Variants in SCN8A observed in about 807,000 individuals in gnomAD.
SCN8A encodes the protein sodium voltage-gated channel alpha subunit 8, also known as sodium channel protein type 8 subunit alpha.
SCN8A carries 30 observed loss-of-function variants against 184.1 expected under a neutral mutation model. The observed-to-expected ratio is 0.16, with a 90% CI of 0.12 to 0.22. The LOEUF (loss-of-function observed/expected upper bound fraction) is 0.22. SCN8A is among the 10% of genes least tolerant of loss of function. The pLI is 1.00. For missense variants in SCN8A, 1,057 were observed against 2,498.9 expected (o/e 0.42, Z 12.30); for synonymous variants, 852 against 907.0 (o/e 0.94, Z 1.09).
chr12:51,767,715 C>T (rs1942860194), intron 16 of SCN8A, among the ~76,000 whole-genome samples: 1 of 152,208 alleles, frequency 6.6e-6, no homozygotes, highest in Non-Finnish European at 1.5e-5. Flanking sequence ...CAAACATCCA[C>T]ACCCCTCACT....
Position 51,721,758 on chromosome 12 carries a change from C to T in SCN8A, c.1848C>T (p.Gly616=), listed in dbSNP as rs772405994. 1 of 1,608,930 alleles carries T rather than the reference C, an allele frequency of 6.2e-7. No individual in the cohort carries two copies. The highest frequency in any genetic ancestry group is 1.1e-5 in the South Asian group (1 of 90,880). ...RARERRSSYS[G]YSGYSQGSRS... is the part of the protein sequence containing the mutation. ...GCGAGCGCCGGAGCAGCTACAGCGGCTACAGCGGCTACAGCCAGGGCAGCC... is the reference window on the plus strand; with the variant it reads ...GCGAGCGCCGGAGCAGCTACAGCGGTTACAGCGGCTACAGCCAGGGCAGCC... Residue 616 remains glycine, a synonymous_variant, in exon 12 of 27, where the codon GGC becomes GGT. Transcript: ENST00000627620.
chr12:51,606,587 A>G (rs1419063874), intron 1 of SCN8A, among the ~76,000 whole-genome samples: 11 of 152,110 alleles, frequency 7.2e-5, no homozygotes, highest in Non-Finnish European at 1.2e-4. Flanking sequence ...TTTTGGTTCC[A>G]TATGAATTTT....
intron 10 of SCN8A, 95 bp downstream of exon 10, chr12:51,705,718 AT>A (rs1489697251): frequency 2.7e-6 from 3 of 1,113,628 alleles, no homozygotes; most frequent in African/African-American, 3.1e-5. Flanking sequence ...TTCTAGGCAT[AT>A]TTTCAAATAG....
At chr12:51,674,634 C>G (rs1386184077) in intron 2 of SCN8A, among the ~76,000 whole-genome samples, 1 of 152,136 alleles carries the variant, frequency 6.6e-6, no homozygotes, top group East Asian at 1.9e-4. Flanking sequence ...TGCACCTGGC[C>G]AGCCCCTTCT....
chr12:51,666,590 C>G (rs1592366233), intron 2 of SCN8A, among the ~76,000 whole-genome samples: 1 of 152,310 alleles, frequency 6.6e-6, no homozygotes, highest in Middle Eastern at 3.4e-3. Context: ...AATAGAATCT[C>G]TTTTCTTTGC....
intron 1 of SCN8A, among the ~76,000 whole-genome samples, chr12:51,662,078 C>T (rs1381199289): frequency 6.6e-6 from 1 of 152,162 alleles, no homozygotes; most frequent in Non-Finnish European, 1.5e-5. Context: ...GATTCCACTC[C>T]CATTTGCTTT....
chr12:51,692,254 T>A (rs1247674862), intron 6 of SCN8A, among the ~76,000 whole-genome samples: 1 of 152,164 alleles, frequency 6.6e-6, no homozygotes, highest in African/African-American at 2.4e-5. Flanking sequence ...TGAGAGCTTT[T>A]CCTTTCCTAG....
chr12:51,709,988 C>T lies in SCN8A; in HGVS notation c.1635+3273C>T, dbSNP rs181944513. Among the ~76,000 whole-genome samples, 24 of 152,134 alleles carry T rather than the reference C, an allele frequency of 1.6e-4. No homozygotes were observed. In the East Asian group the frequency reaches 4.2e-3, roughly 27 times the overall value. On this transcript the variant is annotated intron_variant, in intron 11 of 26. Coordinates refer to ENST00000627620, the MANE Select transcript of SCN8A (RefSeq NM_001330260.2). ...TCAAGGAGTTTGAGATCAGCCTGGGCAACATAGTGAGACCTCTGTCTCTAC... is the reference window on the plus strand; with the variant it reads ...TCAAGGAGTTTGAGATCAGCCTGGGTAACATAGTGAGACCTCTGTCTCTAC...
At chr12:51,729,380 C>T (rs1246760230) in intron 12 of SCN8A, among the ~76,000 whole-genome samples, 1 of 152,138 alleles carries the variant, frequency 6.6e-6, no homozygotes, top group African/African-American at 2.4e-5. Context: ...ACTCGTATCA[C>T]TATAGATAGA....
At chr12:51,686,208 G>A (rs1351008957) in intron 3 of SCN8A, among the ~76,000 whole-genome samples, 160 bp from the exon 4 acceptor site, 1 of 152,134 alleles carries the variant, frequency 6.6e-6, no homozygotes, top group Non-Finnish European at 1.5e-5. Context: ...TGTTTATGGT[G>A]GTGACCACAG....
intron 1 of SCN8A, among the ~76,000 whole-genome samples, chr12:51,623,770 C>G (rs1056074763): frequency 9.2e-5 from 14 of 152,256 alleles, no homozygotes; most frequent in Non-Finnish European, 1.9e-4. Flanking sequence ...CCTCCTCCCC[C>G]CACCCCACAA....
chr12:51,785,628 C>A (rs1255457588), intron 21 of SCN8A, among the ~76,000 whole-genome samples: 1 of 152,126 alleles, frequency 6.6e-6, no homozygotes, highest in Non-Finnish European at 1.5e-5. Flanking sequence ...TGAAAACAAC[C>A]CAGAAACTTT....
At chr12:51,749,530 T>C (rs1942564275) in intron 13 of SCN8A, among the ~76,000 whole-genome samples, 4 of 152,174 alleles carry the variant, frequency 2.6e-5, no homozygotes, top group Admixed American at 2.6e-4. Flanking sequence ...ATTTTCTTTT[T>C]TGGGGGAGAA....
intron 19 of SCN8A, among the ~76,000 whole-genome samples, chr12:51,771,144 G>A (rs910173414): frequency 6.6e-6 from 1 of 152,192 alleles, no homozygotes; most frequent in Admixed American, 6.5e-5. Flanking sequence ...TGTCCTAAGT[G>A]CTTATTAATC....
chr12:51,658,164 A>G (rs1335590883), intron 1 of SCN8A, among the ~76,000 whole-genome samples: 1 of 152,046 alleles, frequency 6.6e-6, no homozygotes, highest in Non-Finnish European at 1.5e-5. Flanking sequence ...TTTCATTGGT[A>G]TTTTGATAAG....
chr12:51,635,408 T>C (rs935167468), intron 1 of SCN8A, among the ~76,000 whole-genome samples: 1 of 152,186 alleles, frequency 6.6e-6, no homozygotes, highest in Non-Finnish European at 1.5e-5. Flanking sequence ...TTGTTCATCA[T>C]TGAATCAGTG....
chr12:51,761,305 T>C lies in SCN8A; in HGVS notation c.2371-1198T>C, dbSNP rs371429916. Among the ~76,000 whole-genome samples the C allele has an allele frequency of 3.9e-4, 60 of 152,272 alleles. No homozygotes were observed. In the South Asian group the frequency reaches 0.012, roughly 31 times the overall value. On this transcript the variant is annotated intron_variant, in intron 14 of 26. Coordinates refer to ENST00000627620, the MANE Select transcript of SCN8A (RefSeq NM_001330260.2). Reference sequence around the variant, plus strand: ...GGTAACATAGGGAAGATGTCATTTTTACACACAATAAGCTACAAATCTAAA... The same window carrying C: ...GGTAACATAGGGAAGATGTCATTTTCACACACAATAAGCTACAAATCTAAA...
intron 1 of SCN8A, among the ~76,000 whole-genome samples, chr12:51,638,008 GTAAT>G (rs989975465): frequency 6.6e-6 from 1 of 152,060 alleles, no homozygotes; most frequent in Non-Finnish European, 1.5e-5. Flanking sequence ...TCTGAAAATG[GTAAT>G]TAATGGCCTC....
intron 2 of SCN8A, among the ~76,000 whole-genome samples, chr12:51,664,632 ATC>A (rs1201383653): frequency 6.6e-6 from 1 of 152,212 alleles, no homozygotes; most frequent in Non-Finnish European, 1.5e-5. Flanking sequence ...AAGACACTTC[ATC>A]TCTCTGGACC....
Sources: gnomAD v4.1 joint callset for allele counts (sites outside exome capture counted in the v4.1 genomes callset) on GRCh38, gnomAD v4.1.1 for gene constraint, MANE v1.5 for transcripts, NCBI Gene and HGNC (gene_info 2026-07-23, HGNC 2026-07-21) for gene names.